The following GPT variants were observed in gnomAD, a reference collection of about 807,000 sequenced individuals.
GPT encodes the protein alanine aminotransferase 1.
Under a neutral mutation model 51.4 loss-of-function variants are expected in GPT, and 60 were observed. That is an observed-to-expected ratio of 1.17 (90% CI 0.95 to 1.45). GPT has a LOEUF of 1.45. Among genes scored for constraint, GPT ranks in the 40% most tolerant of loss-of-function variants. GPT has a pLI of 0.00. For missense variants in GPT, 853 were observed against 704.0 expected, an observed-to-expected ratio of 1.21 and a Z score of -2.40; for synonymous variants, 397 against 303.1, an observed-to-expected ratio of 1.31 and a Z score of -3.22.
chr8:144,504,135 C>A, upstream of GPT: 1 of 721,000 alleles, frequency 1.4e-6, no homozygotes, highest in Non-Finnish European at 2.4e-6. Context: ...CTTTCTGTCC[C>A]TCCCAGTGAG....
Position 144,506,463 on chromosome 8 carries a change from G to A in GPT, c.1132-38G>A, listed in dbSNP as rs1289727784. 1.9e-6 allele frequency: 3 copies of A among 1,578,266 alleles called. No individual in the cohort carries two copies. In the Admixed American group the frequency reaches 5.5e-5, roughly 29 times the overall value. On this transcript the variant is annotated intron_variant, in intron 8 of 10. Coordinates refer to ENST00000394955, the MANE Select transcript of GPT (RefSeq NM_005309.3). The surrounding 1 kb of genome is among the most constrained non-coding windows in gnomAD (Gnocchi z 7.0). ...CCTAATCAGGGGTGGGGGATGCCGA[G>A]TGCCGTGCCCTGATGGGCCCTCCCT...
chr8:144,504,703 C>G lies in GPT; in HGVS notation c.252+10C>G, dbSNP rs373520194. On this transcript the variant is annotated intron_variant, in intron 2 of 10. Coordinates refer to ENST00000394955, the MANE Select transcript of GPT (RefSeq NM_005309.3). ...CACCTTCCTGCGCCAGGTGAGGCTC[C>G]TGCACTGCCCGGAGCACCCCCCCAC... 6.2e-7 allele frequency: 1 copy of G among 1,613,026 alleles called. No individual in the cohort carries two copies. The highest frequency in any genetic ancestry group is 1.3e-5 in the African/African-American group (1 of 74,924).
chr8:144,506,798 T>G lies in GPT; in HGVS notation c.1355T>G (p.Val452Gly). Residue 452 changes from valine (V) to glycine (G), a missense_variant, in exon 10 of 11, where the codon GTG becomes GGG. By Grantham distance (109) the Val-to-Gly change is moderately radical. Coordinates refer to ENST00000394955, the MANE Select transcript of GPT (RefSeq NM_005309.3). This position sits in a 1 kb window ranked among gnomAD's most constrained non-coding sequence, Gnocchi z 7.0. ...CTGGAGGAGACCGGCATCTGCGTGG[T>G]GCCAGGGAGCGGCTTTGGGCAGCGG... The part of the protein sequence containing the change: ...RLLEETGICV[V>G]PGSGFGQREG... 1 of 1,612,680 alleles carries G rather than the reference T, an allele frequency of 6.2e-7. No individual in the cohort carries two copies. The highest frequency in any genetic ancestry group is 2.2e-5 in the East Asian group (1 of 44,884).
In GPT at chr8:144,505,048, C is replaced by T. The variant is rs756151404; in HGVS notation, c.412C>T (p.Arg138Trp). The T allele has an allele frequency of 1.1e-5, 17 of 1,613,038 alleles. No individual in the cohort carries two copies. The highest frequency in any genetic ancestry group is 6.7e-5 in the African/African-American group (5 of 74,914). ...GIQLIREDVA[R>W]YIERRDGGIP... ...CCAGCTGATCCGGGAGGACGTGGCG[C>T]GGTACATTGAGAGGCGTGACGGAGG... Residue 138 changes from arginine (R) to tryptophan (W), a missense_variant, in exon 4 of 11, where the codon CGG (arginine) becomes TGG (tryptophan). Arg to Trp is a moderately radical substitution (Grantham distance 101). Transcript: ENST00000394955.
At position 144,504,851 on chromosome 8, in the gene GPT, C is replaced by T. The variant is rs1826705888; in HGVS notation, c.333C>T (p.Ile111=). 1 of 1,613,432 alleles carries T rather than the reference C, an allele frequency of 6.2e-7. No individual in the cohort carries two copies. The highest frequency in any genetic ancestry group is 1.3e-5 in the African/African-American group (1 of 75,066). ...PDDAKKRAER[I]LQACGGHSLG... is the part of the protein sequence containing the mutation. ...ATGCCAAGAAAAGGGCGGAGCGCAT[C>T]TTGCAGGCGTGTGGGGGCCACAGTC... is the stretch of plus-strand genomic sequence containing the variant. The change falls in exon 3 of 11, where the codon ATC becomes ATT. Residue 111 remains isoleucine, a synonymous_variant. Transcript: ENST00000394955.
intron 1 of GPT, 59 bp from the exon 2 acceptor site, chr8:144,504,545 A>G: frequency 6.2e-7 from 1 of 1,609,078 alleles, no homozygotes; most frequent in Non-Finnish European, 8.5e-7. Flanking sequence ...GGCACATGGG[A>G]CAAGGGCTGA....
At position 144,505,135 on chromosome 8, in the gene GPT, G is replaced by A. The variant is rs1329108093; in HGVS notation, c.495+4G>A. The A allele has an allele frequency of 3.7e-6, 6 of 1,612,830 alleles. No individual in the cohort carries two copies. The highest frequency in any genetic ancestry group is 5.1e-6 in the Non-Finnish European group (6 of 1,180,012). ...AGGGGCCAGCGATGCCATCGTGGTA[G>A]GCTGGGCATGGGCACCAAGACATTC... On this transcript the variant is annotated splice_donor_region_variant and intron_variant, in intron 4 of 10. Coordinates refer to ENST00000394955, the MANE Select transcript of GPT (RefSeq NM_005309.3).
In GPT at chr8:144,506,427, G is replaced by T; in HGVS notation, c.1131+21G>T. ...AGGCTGTGAGTTGGGGGCAGGAGGG[G>T]GTCCAGGTGACCTAATCAGGGGTGG... On this transcript the variant is annotated intron_variant, in intron 8 of 10. Coordinates refer to ENST00000394955, the MANE Select transcript of GPT (RefSeq NM_005309.3). The surrounding 1 kb of genome is among the most constrained non-coding windows in gnomAD (Gnocchi z 7.0). The T allele has an allele frequency of 6.4e-7, 1 of 1,562,608 alleles. No homozygotes were observed. The highest frequency in any genetic ancestry group is 8.7e-7 in the Non-Finnish European group (1 of 1,155,456).
chr8:144,504,710 G>T lies in GPT; in HGVS notation c.252+17G>T. On this transcript the variant is annotated intron_variant, in intron 2 of 10. Coordinates refer to ENST00000394955, the MANE Select transcript of GPT (RefSeq NM_005309.3). ...CTGCGCCAGGTGAGGCTCCTGCACT[G>T]CCCGGAGCACCCCCCCACCCCCAGC... The T allele has an allele frequency of 6.2e-6, 10 of 1,611,986 alleles. No homozygotes were observed. Among genetic ancestry groups the T allele is most frequent in the Non-Finnish European group, 8.5e-6 (10 of 1,178,812 alleles).
In GPT at chr8:144,504,156, G is replaced by T. The variant is rs1021135507; in HGVS notation, c.-149G>T. The T allele has an allele frequency of 2.5e-6, 2 of 812,064 alleles. No individual in the cohort carries two copies. Among genetic ancestry groups the T allele is most frequent in the African/African-American group, 3.4e-5 (2 of 59,560 alleles). The allele number at this position is 812,064 out of a possible 1,614,324, so 50.3% of individuals were successfully genotyped here. A position where few individuals can be genotyped will look rare whatever the true frequency, so the allele number is the denominator to read the frequency against. ...GTCCCTCCCAGTGAGGCCAGCTGCG[G>T]TGAAGAGGGTGCTCTCTTGCCTGGA... On this transcript the variant is annotated 5_prime_UTR_variant, in exon 1 of 11. Transcript: ENST00000394955.
chr8:144,505,799 A>C (rs1161558818), intron 5 of GPT, 49 bp from the exon 6 acceptor site: 2 of 1,388,906 alleles, frequency 1.4e-6, no homozygotes, highest in Non-Finnish European at 1.9e-6. Context: ...AGCGGAGGGC[A>C]GTGCGCCCCC....
intron 1 of GPT, 57 bp from the exon 2 acceptor site, chr8:144,504,547 A>G (rs952887111): frequency 6.2e-7 from 1 of 1,609,216 alleles, no homozygotes. Context: ...CACATGGGAC[A>G]AGGGCTGAGG....
rs369274659 is a variant in GPT, at chr8:144,506,269, A to G, written c.994A>G (p.Met332Val). Residue 332 changes from methionine to valine, a missense_variant, in exon 8 of 11, where the codon ATG (methionine) becomes GTG (valine). Met to Val is a conservative substitution (Grantham distance 21). Transcript: ENST00000394955. The surrounding 1 kb of genome is among the most constrained non-coding windows in gnomAD (Gnocchi z 7.0). ...FRGGYVEVVN[M>V]DAAVQQQMLK... ...CGGCGGCTATGTGGAGGTGGTGAAC[A>G]TGGACGCTGCAGTGCAGCAGCAGAT... 1.1e-5 allele frequency: 17 copies of G among 1,605,664 alleles called. No individual in the cohort carries two copies. Among genetic ancestry groups the G allele is most frequent in the Admixed American group, 1.7e-5 (1 of 59,680 alleles).
Position 144,506,493 on chromosome 8 carries a change from G to C in GPT, c.1132-8G>C. On this transcript the variant is annotated splice_region_variant and splice_polypyrimidine_tract_variant and intron_variant, in intron 8 of 10. Transcript: ENST00000394955. This position sits in a 1 kb window ranked among gnomAD's most constrained non-coding sequence, Gnocchi z 7.0. Reference sequence around the variant, plus strand: ...GTGCCCTGATGGGCCCTCCCTCCGCGGCCACAGGAGAAGCAGGCAGTGCTG... The same window carrying C: ...GTGCCCTGATGGGCCCTCCCTCCGCCGCCACAGGAGAAGCAGGCAGTGCTG... The C allele has an allele frequency of 6.3e-7, 1 of 1,594,562 alleles. No homozygotes were observed. Among genetic ancestry groups the C allele is most frequent in the Non-Finnish European group, 8.5e-7 (1 of 1,171,992 alleles).
chr8:144,504,590 C>G lies in GPT; in HGVS notation c.163-14C>G. 1 of 1,611,794 alleles carries G rather than the reference C, an allele frequency of 6.2e-7. No homozygotes were observed. The highest frequency in any genetic ancestry group is 8.5e-7 in the Non-Finnish European group (1 of 1,178,930). ...TAGGGCACAGTCTCCCTGCCTGCTC[C>G]CCTCCCCTCCCAGGGTGTGAAGAAG... On this transcript the variant is annotated splice_polypyrimidine_tract_variant and intron_variant, in intron 1 of 10. Coordinates refer to ENST00000394955, the MANE Select transcript of GPT (RefSeq NM_005309.3).
In GPT at chr8:144,506,509, G is replaced by C; in HGVS notation, c.1140G>C (p.Gln380His). The C allele has an allele frequency of 6.3e-7, 1 of 1,597,394 alleles. No individual in the cohort carries two copies. The highest frequency in any genetic ancestry group is 1.1e-5 in the South Asian group (1 of 88,130). ...PSFAQFQAEK[Q>H]AVLAELAAKA... ...TCCCTCCGCGGCCACAGGAGAAGCA[G>C]GCAGTGCTGGCAGAGCTGGCGGCCA... Residue 380 changes from glutamine to histidine, a missense_variant, in exon 9 of 11, where the codon CAG becomes CAC. Coordinates refer to ENST00000394955, the MANE Select transcript of GPT (RefSeq NM_005309.3). The surrounding 1 kb of genome is among the most constrained non-coding windows in gnomAD (Gnocchi z 7.0).
chr8:144,504,694 GT>G lies in GPT; in HGVS notation c.252+2del, dbSNP rs1474370503. 6.2e-7 allele frequency: 1 copy of G among 1,613,250 alleles called. No homozygotes were observed. Among genetic ancestry groups the G allele is most frequent in the Non-Finnish European group, 8.5e-7 (1 of 1,179,928 alleles). On this transcript the variant is annotated splice_donor_variant, in intron 2 of 10. Transcript: ENST00000394955. LOFTEE classifies it high-confidence loss of function. ...GAGGCCCATCACCTTCCTGCGCCAG[GT>G]GAGGCTCCTGCACTGCCCGGAGCAC... is the stretch of plus-strand genomic sequence containing the variant.
Position 144,506,295 on chromosome 8 carries a change from G to T in GPT, c.1020G>T (p.Met340Ile). The change falls in exon 8 of 11, where the codon ATG (methionine) becomes ATT (isoleucine). Residue 340 changes from methionine to isoleucine, a missense_variant. By Grantham distance (10) the Met-to-Ile change is conservative. Coordinates refer to ENST00000394955, the MANE Select transcript of GPT (RefSeq NM_005309.3). This position sits in a 1 kb window ranked among gnomAD's most constrained non-coding sequence, Gnocchi z 7.0. ...TGGACGCTGCAGTGCAGCAGCAGAT[G>T]CTGAAGCTGATGAGTGTGCGGCTGT... ...VNMDAAVQQQ[M>I]LKLMSVRLCP... 1 of 1,596,254 alleles carries T rather than the reference G, an allele frequency of 6.3e-7. No homozygotes were observed.
chr8:144,504,570 C>A (rs765379936), intron 1 of GPT, 34 bp from the exon 2 acceptor site: 11 of 1,605,990 alleles, frequency 6.8e-6, no homozygotes, highest in Non-Finnish European at 9.4e-6. Flanking sequence ...TTAGGTAGGG[C>A]ACAGTCTCCC....
Sources: allele counts gnomAD v4.1 joint callset, GRCh38; gene constraint gnomAD v4.1.1; non-coding constraint Gnocchi (gnomAD v3.1); transcripts MANE v1.5; gene names NCBI Gene and HGNC (gene_info 2026-07-23, HGNC 2026-07-21).